KAZN: variants seen among roughly 807,000 people sequenced by gnomAD.
KAZN encodes kazrin.
Under a neutral mutation model 87.4 loss-of-function variants are expected in KAZN, and 40 were observed. That is an observed-to-expected ratio of 0.46 (90% CI 0.36 to 0.60). The LOEUF is 0.60. Among genes scored for constraint, KAZN ranks in the 20% least tolerant of loss-of-function variants. The probability of loss-of-function intolerance (pLI) is 0.00; values close to 1 mark genes in which losing one functional copy is unlikely to be tolerated. For missense variants in KAZN, 898 were observed against 1,073.9 expected, an observed-to-expected ratio of 0.84 and a Z score of 2.29; for synonymous variants, 466 against 458.3, an observed-to-expected ratio of 1.02 and a Z score of -0.22.
intron 1 of KAZN, among the ~76,000 whole-genome samples, chr1:14,944,181 G>A (rs545950279): frequency 2.5e-4 from 38 of 151,486 alleles, no homozygotes; most frequent in African/African-American, 7.3e-4. Flanking sequence ...AAGGTAACTC[G>A]GGGACTTGAG....
intron 1 of KAZN, among the ~76,000 whole-genome samples, chr1:14,680,360 A>G (rs1640496073): frequency 6.6e-6 from 1 of 152,122 alleles, no homozygotes; most frequent in South Asian, 2.1e-4. Flanking sequence ...GAGTTCTATC[A>G]GTATAGATTA....
At chr1:14,859,048 T>C (rs1650515781) in intron 1 of KAZN, among the ~76,000 whole-genome samples, 1 of 151,520 alleles carries the variant, frequency 6.6e-6, no homozygotes, top group African/African-American at 2.4e-5. Context: ...CTACTGAAAA[T>C]ACAAAAAAAT....
chr1:14,771,032 C>G (rs2100590851), intron 1 of KAZN, among the ~76,000 whole-genome samples: 1 of 152,268 alleles, frequency 6.6e-6, no homozygotes, highest in African/African-American at 2.4e-5. Flanking sequence ...ATTCGGGACA[C>G]CCATCCATGT....
At chr1:15,010,427 G>C (rs1275579221) in intron 2 of KAZN, among the ~76,000 whole-genome samples, 1 of 129,874 alleles carries the variant, frequency 7.7e-6, no homozygotes, top group Admixed American at 9.9e-5. Flanking sequence ...GTCTCGCTCT[G>C]CTGCTCAGGC....
intron 1 of KAZN, among the ~76,000 whole-genome samples, chr1:13,946,010 A>G (rs1286127378): frequency 1.3e-5 from 2 of 152,212 alleles, no homozygotes; most frequent in Non-Finnish European, 2.9e-5. Context: ...GCCAGATGGC[A>G]GTGGTTAGAC....
intron 1 of KAZN, among the ~76,000 whole-genome samples, chr1:14,917,843 T>C (rs550045331): frequency 4.8e-4 from 58 of 120,990 alleles, no homozygotes; most frequent in Non-Finnish European, 6.9e-4. Context: ...AATGTACTTC[T>C]TTCTTTCTTC....
chr1:13,999,198 A>C (rs1639664740), intron 1 of KAZN, among the ~76,000 whole-genome samples: 1 of 152,082 alleles, frequency 6.6e-6, no homozygotes, highest in Admixed American at 6.5e-5. Context: ...AAATAGAAAA[A>C]ATTAGCTGGG....
intron 2 of KAZN, among the ~76,000 whole-genome samples, chr1:14,591,512 T>C (rs1676201673): frequency 6.6e-6 from 1 of 152,112 alleles, no homozygotes; most frequent in Admixed American, 6.5e-5. Context: ...TTAGAGACTT[T>C]AAGTATATAT....
chr1:14,109,677 G>A (rs1020660312), intron 1 of KAZN, among the ~76,000 whole-genome samples: 1 of 152,002 alleles, frequency 6.6e-6, no homozygotes, highest in Admixed American at 6.5e-5. Flanking sequence ...CCATTTGCAC[G>A]GCCCAGCGTG....
rs570952189 is a variant in KAZN, at chr1:14,387,929, T to C, written c.249+207337T>C. 2.9e-3 allele frequency among the ~76,000 whole-genome samples: 443 copies of C among 152,328 alleles called. 1 individual carries two copies. The highest frequency in any genetic ancestry group is 9.7e-3 in the African/African-American group (402 of 41,590). ...TCTCCCAGCCTCACTGCCGCTTTGCTGTTTGATCTCAGACTGCTGTGCTAG... is the reference window on the plus strand; with the variant it reads ...TCTCCCAGCCTCACTGCCGCTTTGCCGTTTGATCTCAGACTGCTGTGCTAG... On this transcript the variant is annotated intron_variant, in intron 2 of 16. Transcript: ENST00000636203.
In KAZN at chr1:14,894,562, T is replaced by C. The variant is rs567559435; in HGVS notation, c.227-66122T>C. Among the ~76,000 whole-genome samples the C allele has an allele frequency of 6.6e-5, 10 of 152,308 alleles. No homozygotes were observed. The South Asian group carries it at 2.1e-3, about 32-fold the overall frequency. On this transcript the variant is annotated intron_variant, in intron 1 of 14. Coordinates refer to ENST00000376030, the MANE Select transcript of KAZN (RefSeq NM_201628.3). ...TGTCGATGTGGCACATCTTTCCAGC[T>C]CATCTCAAGCATCACCTCCTCCTGG...
intron 1 of KAZN, among the ~76,000 whole-genome samples, chr1:14,619,853 A>G (rs1446653674): frequency 2.0e-5 from 3 of 152,220 alleles, no homozygotes; most frequent in Admixed American, 6.5e-5. Flanking sequence ...TCCATGTTGT[A>G]GCGTGTATCA....
intron 1 of KAZN, among the ~76,000 whole-genome samples, chr1:14,859,566 A>G (rs772726753): frequency 5.3e-5 from 8 of 152,276 alleles, no homozygotes; most frequent in Non-Finnish European, 1.2e-4. Flanking sequence ...TCACTGCTTA[A>G]TTTAACCCTG....
chr1:14,899,185 T>C (rs1338053515), intron 1 of KAZN, among the ~76,000 whole-genome samples: 1 of 152,196 alleles, frequency 6.6e-6, no homozygotes, highest in African/African-American at 2.4e-5. Context: ...GTCAGGAAGA[T>C]GGAATGTTCC....
intron 1 of KAZN, among the ~76,000 whole-genome samples, chr1:13,978,990 G>A (rs1358247561): frequency 6.6e-6 from 1 of 152,056 alleles, no homozygotes; most frequent in Non-Finnish European, 1.5e-5. Context: ...CAACTACTTG[G>A]GAGGCTGAGG....
chr1:14,799,102 T>A (rs1645925619), intron 1 of KAZN, among the ~76,000 whole-genome samples: 1 of 152,236 alleles, frequency 6.6e-6, no homozygotes, highest in African/African-American at 2.4e-5. Flanking sequence ...GAGGGTGAGA[T>A]GAACAGAGAC....
chr1:14,454,966 G>C (rs770623855), intron 2 of KAZN, among the ~76,000 whole-genome samples: 1 of 152,178 alleles, frequency 6.6e-6, no homozygotes, highest in South Asian at 2.1e-4. Flanking sequence ...GCACCTGAAG[G>C]CTTGACCAGG....
intron 1 of KAZN, among the ~76,000 whole-genome samples, chr1:14,135,420 G>A (rs910135032): frequency 3.3e-5 from 5 of 152,228 alleles, no homozygotes; most frequent in African/African-American, 9.6e-5. Context: ...TGGACTTGCA[G>A]TCTGAGTGCA....
chr1:14,325,070 G>T (rs1457609185), intron 2 of KAZN, among the ~76,000 whole-genome samples: 1 of 152,180 alleles, frequency 6.6e-6, no homozygotes, highest in Non-Finnish European at 1.5e-5. Context: ...GGGGAACGAG[G>T]ACTTGCAAAG....
Sources: gnomAD v4.1 joint callset for allele counts (sites outside exome capture counted in the v4.1 genomes callset) on GRCh38, gnomAD v4.1.1 for gene constraint, MANE v1.5 for transcripts, NCBI Gene and HGNC (gene_info 2026-07-23, HGNC 2026-07-21) for gene names.